The following RBFOX1 variants were observed in gnomAD, a reference collection of about 807,000 sequenced individuals.
RBFOX1 encodes RNA binding fox-1 homolog 1, also known as RNA binding protein fox-1 homolog 1.
A neutral mutation model predicts 57.7 loss-of-function variants in RBFOX1; 8 were observed. The observed-to-expected ratio is 0.14, with a 90% confidence interval of 0.08 to 0.25. The LOEUF is 0.25. RBFOX1 is among the 10% of genes least tolerant of loss of function. The probability of loss-of-function intolerance (pLI) is 1.00; values close to 1 mark genes in which losing one functional copy is unlikely to be tolerated. For synonymous variants in RBFOX1, 326 were observed against 222.4 expected (o/e 1.47, Z -4.15); for missense variants, 611 against 548.5 (o/e 1.11, Z -1.14).
At chr16:5,331,478 A>G (rs557333210) in intron 1 of RBFOX1, among the ~76,000 whole-genome samples, 1 of 152,316 alleles carries the variant, frequency 6.6e-6, no homozygotes, top group East Asian at 1.9e-4. Context: ...GGTTTGTTTT[A>G]TGTCTGTCTT....
intron 4 of RBFOX1, 99 bp downstream of exon 4, chr16:7,052,197 G>T: frequency 6.7e-7 from 1 of 1,492,220 alleles, no homozygotes; most frequent in Non-Finnish European, 8.9e-7. Context: ...TAAATAACAG[G>T]CTTCATCTTA....
At chr16:7,417,392 A>C (rs1465924301) in intron 4 of RBFOX1, among the ~76,000 whole-genome samples, 1 of 150,882 alleles carries the variant, frequency 6.6e-6, no homozygotes, top group Non-Finnish European at 1.5e-5. Flanking sequence ...AAAAAAAAAG[A>C]GATGACCCCA....
At chr16:6,090,964 A>G (rs2096163343) in intron 1 of RBFOX1, among the ~76,000 whole-genome samples, 1 of 152,214 alleles carries the variant, frequency 6.6e-6, no homozygotes, top group Admixed American at 6.5e-5. Context: ...GAAGCATGTG[A>G]TATTTTGGTA....
intron 3 of RBFOX1, among the ~76,000 whole-genome samples, chr16:5,866,011 AGGCTG>A (rs1419646612): frequency 6.6e-6 from 1 of 152,122 alleles, no homozygotes; most frequent in East Asian, 1.9e-4. Context: ...CTTGTTGCCC[AGGCTG>A]GAGTGCAATG....
chr16:5,355,720 C>T (rs1188201423), intron 1 of RBFOX1, among the ~76,000 whole-genome samples: 1 of 152,086 alleles, frequency 6.6e-6, no homozygotes, highest in Admixed American at 6.6e-5. Flanking sequence ...AGGGTCTTTA[C>T]AGATATAATA....
intron 3 of RBFOX1, among the ~76,000 whole-genome samples, chr16:6,706,590 C>T (rs749820190): frequency 6.6e-6 from 1 of 152,150 alleles, no homozygotes; most frequent in Non-Finnish European, 1.5e-5. Flanking sequence ...TGTGCCATTG[C>T]TCTAATAGAG....
At chr16:7,428,514 T>TATTATTATC (rs1305588921) in intron 4 of RBFOX1, among the ~76,000 whole-genome samples, 1 of 145,124 alleles carries the variant, frequency 6.9e-6, no homozygotes, top group African/African-American at 2.5e-5. Flanking sequence ...TTATTATTAT[T>TATTATTATC]ATTATTATTA....
intron 3 of RBFOX1, among the ~76,000 whole-genome samples, chr16:6,803,301 G>C (rs1283152516): frequency 6.6e-6 from 1 of 152,150 alleles, no homozygotes; most frequent in African/African-American, 2.4e-5. Flanking sequence ...CCCAGAACTG[G>C]CATTGTTTCC....
At chr16:7,029,233 TAC>T (rs1172949473) in intron 3 of RBFOX1, among the ~76,000 whole-genome samples, 3 of 71,314 alleles carry the variant, frequency 4.2e-5, no homozygotes, top group African/African-American at 1.5e-4. Context: ...CACATATATA[TAC>T]GTATACGTAT....
At chr16:5,425,068 TC>T (rs1366426451) in intron 1 of RBFOX1, among the ~76,000 whole-genome samples, 44 of 60,594 alleles carry the variant, frequency 7.3e-4, no homozygotes, top group Middle Eastern at 8.8e-3. Flanking sequence ...TCCTTTCTTA[TC>T]TATCTATCTA....
intron 2 of RBFOX1, among the ~76,000 whole-genome samples, chr16:6,503,349 A>G (rs990060161): frequency 6.6e-6 from 1 of 152,216 alleles, no homozygotes; most frequent in Admixed American, 6.5e-5. Context: ...CTGGGGAGTC[A>G]TAGCACTCTT....
At chr16:7,710,133 A>C in intron 15 of RBFOX1, 2 of 1,021,684 alleles carry the variant, frequency 2.0e-6, no homozygotes, top group Non-Finnish European at 2.3e-6. Flanking sequence ...GTACAACTCC[A>C]CAACTCCCTT....
chr16:7,222,975 A>G (rs931422217), intron 4 of RBFOX1, among the ~76,000 whole-genome samples: 1 of 152,144 alleles, frequency 6.6e-6, no homozygotes, highest in Admixed American at 6.6e-5. Flanking sequence ...TGTGCAGCAT[A>G]AACATCTGGG....
chr16:7,432,156 G>C (rs1164754653), intron 4 of RBFOX1, among the ~76,000 whole-genome samples: 1 of 152,238 alleles, frequency 6.6e-6, no homozygotes, highest in Non-Finnish European at 1.5e-5. Flanking sequence ...CAGCAGGGGT[G>C]CCTGCTGGCA....
intron 1 of RBFOX1, among the ~76,000 whole-genome samples, chr16:5,341,254 A>G (rs1450894754): frequency 1.3e-5 from 2 of 152,132 alleles, no homozygotes; most frequent in Non-Finnish European, 2.9e-5. Context: ...TTTAAACCTG[A>G]TGGAAGACCA....
intron 4 of RBFOX1, among the ~76,000 whole-genome samples, chr16:7,235,314 G>T (rs555368472): frequency 2.6e-5 from 4 of 152,188 alleles, no homozygotes; most frequent in African/African-American, 9.7e-5. Flanking sequence ...GTGGCAACCA[G>T]TGTGACCATT....
intron 5 of RBFOX1, among the ~76,000 whole-genome samples, chr16:7,569,985 G>C (rs562262970): frequency 2.6e-5 from 4 of 152,154 alleles, no homozygotes; most frequent in Non-Finnish European, 5.9e-5. Context: ...TTTTTCAAAG[G>C]CTAAATATAA....
intron 2 of RBFOX1, among the ~76,000 whole-genome samples, chr16:6,388,523 T>C (rs2092425681): frequency 6.6e-6 from 1 of 152,150 alleles, no homozygotes; most frequent in Non-Finnish European, 1.5e-5. Flanking sequence ...AAATAAAAAT[T>C]GTGTATATTT....
At chr16:6,480,014 C>T (rs1178922292) in intron 2 of RBFOX1, among the ~76,000 whole-genome samples, 1 of 151,006 alleles carries the variant, frequency 6.6e-6, no homozygotes, top group Non-Finnish European at 1.5e-5. Context: ...CGTGCCACTG[C>T]CCTCCAGGCT....
Sources: allele counts gnomAD v4.1 joint callset (sites outside exome capture counted in the v4.1 genomes callset), GRCh38; gene constraint gnomAD v4.1.1; transcripts MANE v1.5; gene names NCBI Gene and HGNC (gene_info 2026-07-23, HGNC 2026-07-21).